CDH13: variants seen among roughly 807,000 people sequenced by gnomAD.
The protein encoded by CDH13 is cadherin 13.
A neutral mutation model predicts 63.8 loss-of-function variants in CDH13; 24 were observed. The ratio of observed to expected loss-of-function variants is 0.38; its 90% CI spans 0.27 to 0.53. The LOEUF (loss-of-function observed/expected upper bound fraction) is 0.53. Ranked by LOEUF, CDH13 falls within the 20% of genes least tolerant of loss-of-function variation. The pLI, the probability that CDH13 is intolerant of heterozygous loss-of-function variation, is 0.85. For missense variants in CDH13, 1,049 were observed against 903.1 expected, an observed-to-expected ratio of 1.16 and a Z score of -2.07; for synonymous variants, 503 against 355.3, an observed-to-expected ratio of 1.42 and a Z score of -4.67.
At chr16:82,853,051 A>G (rs1299058848) in intron 1 of CDH13, among the ~76,000 whole-genome samples, 1 of 152,228 alleles carries the variant, frequency 6.6e-6, no homozygotes, top group Admixed American at 6.5e-5. Context: ...AAAACCTGGT[A>G]TAAAGAGTGT....
At chr16:83,761,558 G>T (rs1597192116) in intron 11 of CDH13, among the ~76,000 whole-genome samples, 1 of 152,178 alleles carries the variant, frequency 6.6e-6, no homozygotes, top group Admixed American at 6.5e-5. Context: ...AGCTGGATTG[G>T]TTACACTCGG....
intron 1 of CDH13, among the ~76,000 whole-genome samples, chr16:82,751,314 T>C (rs140442778): frequency 3.9e-5 from 6 of 152,276 alleles, no homozygotes; most frequent in Non-Finnish European, 8.8e-5. Flanking sequence ...TTAATAGATT[T>C]TTTTTTGTGT....
intron 2 of CDH13, among the ~76,000 whole-genome samples, chr16:82,974,278 A>G (rs891769077): frequency 2.6e-5 from 4 of 152,132 alleles, no homozygotes; most frequent in African/African-American, 9.7e-5. Context: ...CAGGGTGCAA[A>G]CATCCAGGCT....
At chr16:83,492,356 C>T (rs948388399) in intron 7 of CDH13, among the ~76,000 whole-genome samples, 1 of 152,166 alleles carries the variant, frequency 6.6e-6, no homozygotes, top group African/African-American at 2.4e-5. Flanking sequence ...GCAGTAATTA[C>T]ACACAATTCA....
intron 6 of CDH13, among the ~76,000 whole-genome samples, chr16:83,434,396 C>T (rs923677266): frequency 2.6e-5 from 4 of 152,158 alleles, no homozygotes; most frequent in Admixed American, 2.6e-4. Flanking sequence ...CCTCAAGGGT[C>T]ATATTCCCTG....
intron 3 of CDH13, among the ~76,000 whole-genome samples, chr16:83,059,241 C>G (rs2031272406): frequency 6.6e-6 from 1 of 152,186 alleles, no homozygotes; most frequent in Admixed American, 6.5e-5. Context: ...AGTCATCCAC[C>G]TGAAAAATAG....
intron 1 of CDH13, among the ~76,000 whole-genome samples, chr16:82,761,005 ATTTC>A (rs1416083042): frequency 5.7e-5 from 4 of 70,350 alleles, no homozygotes; most frequent in African/African-American, 1.5e-4. Context: ...TGGGGTTCAC[ATTTC>A]TTTCTTTCTT....
intron 6 of CDH13, among the ~76,000 whole-genome samples, chr16:83,411,927 T>C (rs2092132878): frequency 1.3e-5 from 2 of 152,186 alleles, no homozygotes; most frequent in South Asian, 4.1e-4. Context: ...AATTGCATGA[T>C]AAGCGCATAA....
Position 83,202,153 on chromosome 16 carries a change from C to G in CDH13, c.484-15192C>G, listed in dbSNP as rs540245901. Among the ~76,000 whole-genome samples, 21 of 152,290 alleles carry G rather than the reference C, an allele frequency of 1.4e-4. No individual in the cohort carries two copies. In the South Asian group the frequency reaches 4.4e-3, roughly 32 times the overall value. The stretch of plus-strand genomic sequence containing the variant: ...GACTTCAAAGGTCCTCAGTCTCTCC[C>G]TGTCCCAATCCCAGGCTTCCGAAAG... On this transcript the variant is annotated intron_variant, in intron 4 of 13. Transcript: ENST00000567109.
At chr16:83,327,575 T>G (rs1261033014) in intron 5 of CDH13, among the ~76,000 whole-genome samples, 1 of 152,188 alleles carries the variant, frequency 6.6e-6, no homozygotes, top group African/African-American at 2.4e-5. Flanking sequence ...TTCCTAGTCG[T>G]TGAGAGCTTA....
At position 82,771,822 on chromosome 16, in the gene CDH13, C is replaced by T. The variant is rs149810996; in HGVS notation, c.46-86540C>T. Among the ~76,000 whole-genome samples the T allele has an allele frequency of 1.5e-3, 226 of 152,316 alleles. 1 individual carries two copies. Among genetic ancestry groups the T allele is most frequent in the African/African-American group, 5.1e-3 (214 of 41,558 alleles). ...GACTGAGCAAGGGTGTCATCTCAAG[C>T]GAAGTTCCATTGAGATAACTTTGGC... On this transcript the variant is annotated intron_variant, in intron 1 of 13. Coordinates refer to ENST00000567109, the MANE Select transcript of CDH13 (RefSeq NM_001257.5).
intron 9 of CDH13, among the ~76,000 whole-genome samples, chr16:83,677,216 C>T (rs983219992): frequency 1.3e-5 from 2 of 152,170 alleles, no homozygotes; most frequent in Admixed American, 1.3e-4. Flanking sequence ...GAGTGACAGA[C>T]ACTCAATTGG....
intron 1 of CDH13, among the ~76,000 whole-genome samples, chr16:82,649,423 G>C (rs1439535959): frequency 2.6e-5 from 4 of 152,310 alleles, no homozygotes. Flanking sequence ...CAAGAAGGAA[G>C]TGGCAGATAG....
chr16:83,233,431 A>T (rs141922642), intron 5 of CDH13, among the ~76,000 whole-genome samples: 279 of 152,324 alleles, frequency 1.8e-3, no homozygotes, highest in African/African-American at 6.4e-3. Context: ...ATTTCTGCCC[A>T]AACAAATTAC....
In CDH13 at chr16:83,192,691, C is replaced by T. The variant is rs575533744; in HGVS notation, c.484-24654C>T. 7.2e-5 allele frequency among the ~76,000 whole-genome samples: 11 copies of T among 152,186 alleles called. No individual in the cohort carries two copies. In the South Asian group the frequency reaches 2.3e-3, roughly 32 times the overall value. Reference sequence around the variant, plus strand: ...GTGAGATGGAGCAGGTGTTTGCGTGCTGTATCACCAAGCCGTTCCCATGGC... The same window carrying T: ...GTGAGATGGAGCAGGTGTTTGCGTGTTGTATCACCAAGCCGTTCCCATGGC... On this transcript the variant is annotated intron_variant, in intron 4 of 13. Transcript: ENST00000567109.
intron 5 of CDH13, among the ~76,000 whole-genome samples, chr16:83,240,402 T>A (rs1904319531): frequency 6.6e-6 from 1 of 152,118 alleles, no homozygotes; most frequent in South Asian, 2.1e-4. Context: ...CCAGGAATGC[T>A]GTAAACAGAT....
intron 1 of CDH13, chr16:82,826,334 C>G (rs1331819521): frequency 1.3e-5 from 2 of 152,188 alleles, no homozygotes; most frequent in Middle Eastern, 3.4e-3. Context: ...CTTAAATTGT[C>G]CAAGTTGAAA....
chr16:83,053,775 A>G (rs2030634097), intron 3 of CDH13, among the ~76,000 whole-genome samples: 1 of 152,172 alleles, frequency 6.6e-6, no homozygotes. Flanking sequence ...GGCAGATATA[A>G]TAATTCCAAA....
At chr16:83,207,762 TA>T (rs57095409) in intron 4 of CDH13, among the ~76,000 whole-genome samples, 1,762 of 124,704 alleles carry the variant, frequency 0.014, 13 homozygotes, top group Middle Eastern at 0.029. Context: ...ATACTCTCCT[TA>T]AAAAAAAAAA....
Sources: gnomAD v4.1 joint callset for allele counts (sites outside exome capture counted in the v4.1 genomes callset) on GRCh38, gnomAD v4.1.1 for gene constraint, MANE v1.5 for transcripts, NCBI Gene and HGNC (gene_info 2026-07-23, HGNC 2026-07-21) for gene names.